BMPER: variants seen among roughly 807,000 people sequenced by gnomAD.
BMPER encodes BMP binding endothelial regulator.
A neutral mutation model predicts 87.3 loss-of-function variants in BMPER; 45 were observed. The observed-to-expected ratio is 0.52, with a 90% CI of 0.41 to 0.66. The LOEUF is 0.66. Ranked by LOEUF, BMPER falls within the 30% of genes least tolerant of loss-of-function variation. BMPER has a pLI of 0.00. For missense variants in BMPER, 784 were observed against 867.5 expected (o/e 0.90, Z 1.21); for synonymous variants, 326 against 316.2 (o/e 1.03, Z -0.33).
chr7:33,921,005 A>G (rs535182281), intron 2 of BMPER, among the ~76,000 whole-genome samples: 1 of 152,018 alleles, frequency 6.6e-6, no homozygotes, highest in African/African-American at 2.4e-5. Context: ...TTCTTTTCCT[A>G]TTCATGTCAT....
Position 34,153,376 on chromosome 7 carries a change from C to T in BMPER, c.*103C>T. The T allele has an allele frequency of 8.6e-7, 1 of 1,164,818 alleles. No homozygotes were observed. The highest frequency in any genetic ancestry group is 1.3e-6 in the Non-Finnish European group (1 of 780,574). 72.2% of individuals were successfully genotyped at this position (1,164,818 alleles called of 1,614,324 possible). Reference sequence around the variant, plus strand: ...ATTTGTGTGCCCGATTCTGTAAACACACACACACAGAGTATATATGTGTAT... The same window carrying T: ...ATTTGTGTGCCCGATTCTGTAAACATACACACACAGAGTATATATGTGTAT... On this transcript the variant is annotated 3_prime_UTR_variant, in exon 15 of 15. Transcript: ENST00000649409.
At position 34,046,370 on chromosome 7, in the gene BMPER, A is replaced by G; in HGVS notation, c.641A>G (p.His214Arg). ...CTCTCCTGTCCCCAGCACCTTAGTC[A>G]CATACCCCCAGGACAGTGCTGCCCC... is the stretch of plus-strand genomic sequence containing the variant. ...PILSCPQHLS[H>R]IPPGQCCPKC... Residue 214 changes from histidine to arginine, a missense_variant, in exon 7 of 15, where the codon CAC becomes CGC. Physicochemically the swap from His to Arg is conservative, Grantham distance 29. Coordinates refer to ENST00000649409, the MANE Select transcript of BMPER (RefSeq NM_001365308.1). 2 of 1,614,078 alleles carry G rather than the reference A, an allele frequency of 1.2e-6. No individual in the cohort carries two copies. The highest frequency in any genetic ancestry group is 1.7e-6 in the Non-Finnish European group (2 of 1,179,958).
intron 1 of BMPER, among the ~76,000 whole-genome samples, chr7:33,906,152 C>T (rs1455216565): frequency 6.6e-6 from 1 of 152,102 alleles, no homozygotes; most frequent in Non-Finnish European, 1.5e-5. Flanking sequence ...AAAGCACTGG[C>T]TCTCAAGACC....
At chr7:33,958,517 A>T (rs927315197) in intron 3 of BMPER, among the ~76,000 whole-genome samples, 6 of 152,172 alleles carry the variant, frequency 3.9e-5, no homozygotes, top group Admixed American at 2.0e-4. Context: ...GCTTTGTACC[A>T]CCGCTGGAAC....
intron 13 of BMPER, among the ~76,000 whole-genome samples, chr7:34,114,397 C>T (rs558869073): frequency 6.6e-6 from 1 of 152,346 alleles, no homozygotes; most frequent in South Asian, 2.1e-4. Context: ...CATGTTAGCA[C>T]TGAGGTTCTT....
At chr7:33,905,174 G>A (rs1468530600), upstream of BMPER, 1 of 261,616 alleles carries the variant, frequency 3.8e-6, no homozygotes, top group African/African-American at 2.3e-5. Context: ...AGGACGCTGC[G>A]GCAGCGACAG....
intron 2 of BMPER, among the ~76,000 whole-genome samples, chr7:33,919,923 ATATCTATCTATC>A (rs61007454): frequency 3.3e-5 from 5 of 150,712 alleles, no homozygotes; most frequent in East Asian, 2.0e-4. Context: ...ATCTGTGTAC[ATATCTATCTATC>A]TATCTATCTA....
chr7:34,016,499 G>A (rs1787030750), intron 6 of BMPER, among the ~76,000 whole-genome samples: 1 of 151,910 alleles, frequency 6.6e-6, no homozygotes, highest in South Asian at 2.1e-4. Flanking sequence ...TCCTTGGCCT[G>A]TCTCTGGCAC....
At chr7:33,991,241 G>T (rs895626401) in intron 6 of BMPER, among the ~76,000 whole-genome samples, 1 of 150,906 alleles carries the variant, frequency 6.6e-6, no homozygotes, top group Non-Finnish European at 1.5e-5. Flanking sequence ...GAATCCATCT[G>T]GTCGTGGACT....
intron 11 of BMPER, among the ~76,000 whole-genome samples, chr7:34,073,561 A>C (rs1585802651): frequency 6.6e-6 from 1 of 152,260 alleles, no homozygotes; most frequent in Non-Finnish European, 1.5e-5. Context: ...CCTTCTGTAT[A>C]CATGGCAGTG....
intron 13 of BMPER, among the ~76,000 whole-genome samples, chr7:34,124,089 G>A (rs1431995020): frequency 6.6e-6 from 1 of 151,994 alleles, no homozygotes; most frequent in Non-Finnish European, 1.5e-5. Context: ...GTTGACATAG[G>A]CTCTCAAACA....
intron 6 of BMPER, among the ~76,000 whole-genome samples, 166 bp from the exon 7 acceptor site, chr7:34,046,140 T>C (rs1395933810): frequency 1.3e-5 from 2 of 152,162 alleles, no homozygotes; most frequent in African/African-American, 4.8e-5. Flanking sequence ...TTGTATGGCC[T>C]ACAGGGAAGA....
intron 7 of BMPER, among the ~76,000 whole-genome samples, chr7:34,048,209 AT>A (rs915539261): frequency 1.3e-5 from 2 of 152,078 alleles, no homozygotes; most frequent in South Asian, 2.1e-4. Flanking sequence ...CATGAAGTCT[AT>A]TTTTTTATGA....
intron 6 of BMPER, among the ~76,000 whole-genome samples, chr7:33,986,122 A>G (rs1786005901): frequency 6.6e-6 from 1 of 152,094 alleles, no homozygotes; most frequent in Admixed American, 6.6e-5. Context: ...CTGCTCCCAT[A>G]TTGATATGAC....
intron 2 of BMPER, among the ~76,000 whole-genome samples, chr7:33,909,634 G>T (rs1366494386): frequency 1.4e-5 from 2 of 142,190 alleles, no homozygotes; most frequent in African/African-American, 2.6e-5. Context: ...TGGCAGAAAG[G>T]TACCTAAGGC....
intron 6 of BMPER, among the ~76,000 whole-genome samples, chr7:34,027,063 G>A (rs999614864): frequency 6.6e-6 from 1 of 152,036 alleles, no homozygotes; most frequent in African/African-American, 2.4e-5. Context: ...TGACCCAAAT[G>A]TGCTGCTAAA....
intron 13 of BMPER, among the ~76,000 whole-genome samples, chr7:34,114,888 G>A (rs1790069572): frequency 1.3e-5 from 2 of 152,252 alleles, no homozygotes; most frequent in African/African-American, 4.8e-5. Context: ...TTGGAGAGAT[G>A]GCCCAGGCCA....
At chr7:34,058,500 TTC>T (rs1268698645) in intron 10 of BMPER, among the ~76,000 whole-genome samples, 1 of 152,238 alleles carries the variant, frequency 6.6e-6, no homozygotes, top group African/African-American at 2.4e-5. Context: ...TTTTCCTCTT[TTC>T]TCTCCCTTCT....
chr7:33,943,070 T>G (rs1784806239), intron 3 of BMPER, among the ~76,000 whole-genome samples: 1 of 152,140 alleles, frequency 6.6e-6, no homozygotes, highest in African/African-American at 2.4e-5. Context: ...ATGTTTAATT[T>G]TAAATTTAAT....
Sources: gnomAD v4.1 joint callset for allele counts (sites outside exome capture counted in the v4.1 genomes callset) on GRCh38, gnomAD v4.1.1 for gene constraint, MANE v1.5 for transcripts, NCBI Gene and HGNC (gene_info 2026-07-23, HGNC 2026-07-21) for gene names.